ADAM7: variants seen among roughly 807,000 people sequenced by gnomAD.
ADAM7 encodes disintegrin and metalloproteinase domain-containing protein 7.
A neutral mutation model predicts 102.9 loss-of-function variants in ADAM7; 97 were observed. The ratio of observed to expected loss-of-function variants is 0.94; its 90% CI spans 0.80 to 1.12. ADAM7 has a LOEUF of 1.12. Among genes scored for constraint, ADAM7 ranks in the 50% most tolerant of loss-of-function variants. The probability of loss-of-function intolerance (pLI) is 0.00; values close to 1 mark genes in which losing one functional copy is unlikely to be tolerated. For missense variants in ADAM7, 991 were observed against 908.7 expected, an observed-to-expected ratio of 1.09 and a Z score of -1.16; for synonymous variants, 334 against 304.4, an observed-to-expected ratio of 1.10 and a Z score of -1.01.
At chr8:24,448,316 C>T (rs983155375) in intron 3 of ADAM7, among the ~76,000 whole-genome samples, 3 of 152,104 alleles carry the variant, frequency 2.0e-5, no homozygotes, top group Non-Finnish European at 4.4e-5. Flanking sequence ...TTCACAATTA[C>T]CCCAGGCTGC....
In ADAM7 at chr8:24,507,460, A is replaced by G; in HGVS notation, c.2209-20A>G. ...AACATCTGATGTGGCACATGATACA[A>G]CATAATTTATTTATTATAGAAACCT... On this transcript the variant is annotated intron_variant, in intron 20 of 21. Coordinates refer to ENST00000175238, the MANE Select transcript of ADAM7 (RefSeq NM_003817.4). 6.2e-7 allele frequency: 1 copy of G among 1,600,040 alleles called. No individual in the cohort carries two copies. The highest frequency in any genetic ancestry group is 8.6e-7 in the Non-Finnish European group (1 of 1,167,584).
intron 3 of ADAM7, among the ~76,000 whole-genome samples, chr8:24,453,627 G>A (rs1434784983): frequency 3.3e-5 from 5 of 152,010 alleles, no homozygotes; most frequent in Non-Finnish European, 5.9e-5. Context: ...TAGTTTGATC[G>A]TCTGAAGCCT....
intron 16 of ADAM7, among the ~76,000 whole-genome samples, chr8:24,494,673 G>A (rs1486306147): frequency 1.3e-5 from 2 of 152,038 alleles, no homozygotes; most frequent in African/African-American, 4.8e-5. Flanking sequence ...TTCATGCATA[G>A]TTAATGCCAG....
intron 8 of ADAM7, 78 bp downstream of exon 8, chr8:24,476,582 T>G: frequency 8.8e-7 from 1 of 1,139,338 alleles, no homozygotes; most frequent in Non-Finnish European, 1.3e-6. Context: ...TCTGCTGGAC[T>G]ATTGTAGTTA....
At chr8:24,442,629 C>T (rs530149459) in intron 2 of ADAM7, 53 bp downstream of exon 2, 1 of 1,404,910 alleles carries the variant, frequency 7.1e-7, no homozygotes, top group Admixed American at 1.7e-5. Context: ...GGCATGTAGA[C>T]AGTTGTCTCT....
At position 24,509,265 on chromosome 8, in the gene ADAM7, T is replaced by A. The variant is rs1280838359; in HGVS notation, c.*719T>A. The A allele has an allele frequency of 2.2e-5, 22 of 985,294 alleles. No homozygotes were observed. Among genetic ancestry groups the A allele is most frequent in the Non-Finnish European group, 2.5e-5 (21 of 829,948 alleles). The allele number at this position is 985,294 out of a possible 1,614,324, so 61.0% of individuals were successfully genotyped here. A position where few individuals can be genotyped will look rare whatever the true frequency, so the allele number is the denominator to read the frequency against. ...CCAAGTGAGAGGACATACTCACAACTCCTATGAAGGGTTTCTAAGGTCTTT... is the reference window on the plus strand; with the variant it reads ...CCAAGTGAGAGGACATACTCACAACACCTATGAAGGGTTTCTAAGGTCTTT... On this transcript the variant is annotated 3_prime_UTR_variant, in exon 22 of 22. Coordinates refer to ENST00000175238, the MANE Select transcript of ADAM7 (RefSeq NM_003817.4).
chr8:24,502,387 A>C lies in ADAM7; in HGVS notation c.2208+811A>C, dbSNP rs181620579. ...AGAGAAAATAAAGAAAATGAAGCCC[A>C]ATATATGCAGAAAAAAAGAAAAAGT... On this transcript the variant is annotated intron_variant, in intron 20 of 21. Coordinates refer to ENST00000175238, the MANE Select transcript of ADAM7 (RefSeq NM_003817.4). Among the ~76,000 whole-genome samples, 676 of 152,120 alleles carry C rather than the reference A, an allele frequency of 4.4e-3. 1 individual carries two copies. Among genetic ancestry groups the C allele is most frequent in the Non-Finnish European group, 7.8e-3 (533 of 67,968 alleles).
intron 3 of ADAM7, among the ~76,000 whole-genome samples, chr8:24,460,933 T>G (rs1819219436): frequency 1.3e-5 from 2 of 152,176 alleles, no homozygotes; most frequent in African/African-American, 2.4e-5. Flanking sequence ...TCATTGAGAC[T>G]AAAGAACTTT....
At chr8:24,487,700 T>G (rs1434143624) in intron 11 of ADAM7, among the ~76,000 whole-genome samples, 1 of 151,650 alleles carries the variant, frequency 6.6e-6, no homozygotes, top group Non-Finnish European at 1.5e-5. Flanking sequence ...TGAGTCAAAA[T>G]CCATTATTGT....
Position 24,509,221 on chromosome 8 carries a change from G to A in ADAM7, c.*675G>A. 2.0e-6 allele frequency: 2 copies of A among 985,412 alleles called. No individual in the cohort carries two copies. The highest frequency in any genetic ancestry group is 2.4e-6 in the Non-Finnish European group (2 of 829,962). 61.0% of individuals were successfully genotyped at this position (985,412 alleles called of 1,614,324 possible). On this transcript the variant is annotated 3_prime_UTR_variant, in exon 22 of 22. Transcript: ENST00000175238. ...TGACAGAGAAATCAGAGGGTTACAA[G>A]AATTTCAGAAAATTTACTCCAAGTG...
At chr8:24,459,043 T>C (rs1819143409) in intron 3 of ADAM7, among the ~76,000 whole-genome samples, 1 of 151,998 alleles carries the variant, frequency 6.6e-6, no homozygotes, top group Non-Finnish European at 1.5e-5. Context: ...TATGTTGTGC[T>C]TCTGAGTTGG....
intron 20 of ADAM7, among the ~76,000 whole-genome samples, chr8:24,504,067 T>A (rs867034159): frequency 2.0e-5 from 3 of 148,360 alleles, no homozygotes; most frequent in South Asian, 2.1e-4. Flanking sequence ...ATAAAATAAA[T>A]AAAATAAAAA....
chr8:24,471,490 A>AT (rs546759293), intron 7 of ADAM7, among the ~76,000 whole-genome samples: 179 of 149,322 alleles, frequency 1.2e-3, no homozygotes, highest in African/African-American at 3.9e-3. Flanking sequence ...CATTTATACC[A>AT]TTTTTTATTG....
intron 20 of ADAM7, among the ~76,000 whole-genome samples, chr8:24,505,611 G>A (rs1025997404): frequency 2.0e-5 from 3 of 152,120 alleles, no homozygotes; most frequent in Non-Finnish European, 2.9e-5. Context: ...TACCTATTAC[G>A]TTAATGATGT....
chr8:24,465,185 T>A (rs1819384689), intron 4 of ADAM7, among the ~76,000 whole-genome samples: 1 of 152,104 alleles, frequency 6.6e-6, no homozygotes, highest in African/African-American at 2.4e-5. Flanking sequence ...GTGGGTTATT[T>A]GTGAGGGTGT....
chr8:24,456,116 T>A (rs964876899), intron 3 of ADAM7, among the ~76,000 whole-genome samples: 3 of 152,332 alleles, frequency 2.0e-5, no homozygotes, highest in Non-Finnish European at 4.4e-5. Context: ...CCTTTGACCA[T>A]CATCTCCACA....
chr8:24,446,932 G>T (rs1259400247), intron 2 of ADAM7, among the ~76,000 whole-genome samples: 3 of 149,014 alleles, frequency 2.0e-5, no homozygotes, highest in East Asian at 3.9e-4. Context: ...TAATATAAAA[G>T]AATAACTATA....
At chr8:24,490,608 C>A (rs1492400) in intron 12 of ADAM7, 191 bp from the exon 13 acceptor site, 208,445 of 563,620 alleles carry the variant, frequency 0.37, 41,889 homozygotes, top group African/African-American at 0.53. Flanking sequence ...CCAAACAGCA[C>A]GAGAGAAGGA....
In ADAM7 at chr8:24,490,804, T is replaced by C. The variant is rs372959246; in HGVS notation, c.1272T>C (p.Cys424=). 1.2e-6 allele frequency: 2 copies of C among 1,613,446 alleles called. No homozygotes were observed. The highest frequency in any genetic ancestry group is 1.3e-5 in the African/African-American group (1 of 74,910). Residue 424 remains cysteine, a synonymous_variant, in exon 13 of 22, where the codon TGT becomes TGC. Transcript: ENST00000175238. ...TCTTTTGTGGTTATTGCCAGGAGTG[T>C]ACTAATCCTTGCTGTGATGCACACA... is the stretch of plus-strand genomic sequence containing the variant. ...EECDCGPAQE[C]TNPCCDAHTC...
Sources: gnomAD v4.1 joint callset for allele counts (sites outside exome capture counted in the v4.1 genomes callset) on GRCh38, gnomAD v4.1.1 for gene constraint, MANE v1.5 for transcripts, NCBI Gene and HGNC (gene_info 2026-07-23, HGNC 2026-07-21) for gene names.